CYFIP1: variants seen among roughly 807,000 people sequenced by gnomAD.
CYFIP1 encodes cytoplasmic FMR1 interacting protein 1, also known as cytoplasmic FMR1-interacting protein 1.
CYFIP1 carries 58 observed loss-of-function variants against 163.5 expected under a neutral mutation model. The ratio of observed to expected loss-of-function variants is 0.35; its 90% confidence interval spans 0.29 to 0.44. CYFIP1 has a LOEUF of 0.44. CYFIP1 is among the 20% of genes least tolerant of loss of function. The probability of loss-of-function intolerance (pLI) is 1.00; values close to 1 mark genes in which losing one functional copy is unlikely to be tolerated. For synonymous variants in CYFIP1, 663 were observed against 660.7 expected (o/e 1.00, Z -0.05); for missense variants, 1,338 against 1,653.8 (o/e 0.81, Z 3.31).
intron 8 of CYFIP1, 46 bp downstream of exon 8, chr15:22,939,146 G>A (rs1057295548): frequency 6.2e-7 from 1 of 1,611,346 alleles, no homozygotes; most frequent in Non-Finnish European, 8.5e-7. Context: ...ACAAGAGTAA[G>A]GCTGTCCCTC....
At chr15:22,879,800 C>CGGCAAG in intron 26 of CYFIP1, 113 bp downstream of exon 26, 1 of 721,772 alleles carries the variant, frequency 1.4e-6, no homozygotes, top group Non-Finnish European at 2.2e-6. Context: ...AAATGATGCA[C>CGGCAAG]AGCTGTTGCC....
In CYFIP1 at chr15:22,932,295, G is replaced by A. The variant is rs975666270; in HGVS notation, c.1038C>T (p.Cys346=). 3.1e-6 allele frequency: 5 copies of A among 1,612,726 alleles called. No homozygotes were observed. Among genetic ancestry groups the A allele is most frequent in the East Asian group, 2.2e-5 (1 of 44,780 alleles). The change falls in exon 11 of 31, where the codon TGC becomes TGT. Residue 346 remains cysteine, a synonymous_variant. Transcript: ENST00000617928. ...SSGSSPQYNI[C]EQMIQIREDH... is the part of the protein sequence containing the mutation. ...CCTCGCGGATCTGGATCATCTGCTC[G>A]CAGATGTTGTACTGAGGGCTGCTGC...
At chr15:22,918,905 C>G in intron 13 of CYFIP1, 47 bp from the exon 14 acceptor site, 1 of 1,458,666 alleles carries the variant, frequency 6.9e-7, no homozygotes, top group Non-Finnish European at 9.4e-7. Flanking sequence ...GGGATGGCAC[C>G]AAGCCTCCTC....
At chr15:22,934,204 T>TTTTTG (rs2061634252) in intron 9 of CYFIP1, among the ~76,000 whole-genome samples, 1 of 140,374 alleles carries the variant, frequency 7.1e-6, no homozygotes, top group African/African-American at 2.7e-5. Context: ...TTTTTTTTTT[T>TTTTTG]GAGACAGAGT....
intron 3 of CYFIP1, among the ~76,000 whole-genome samples, chr15:22,946,113 G>C (rs1237361427): frequency 2.6e-5 from 4 of 151,798 alleles, no homozygotes; most frequent in East Asian, 1.9e-4. Context: ...GACCAACCTG[G>C]GCAACATGGT....
chr15:22,915,945 C>T (rs943315740), intron 16 of CYFIP1, among the ~76,000 whole-genome samples: 9 of 152,134 alleles, frequency 5.9e-5, no homozygotes, highest in East Asian at 1.9e-4. Context: ...TCCAATACCT[C>T]GCAGCACCCC....
intron 22 of CYFIP1, among the ~76,000 whole-genome samples, chr15:22,900,468 G>A (rs2060361449): frequency 1.3e-5 from 2 of 149,646 alleles, no homozygotes; most frequent in African/African-American, 2.5e-5. Flanking sequence ...GTGCAATCTC[G>A]GCTCACTGCA....
chr15:22,873,574 G>C lies in CYFIP1; in HGVS notation c.3366C>G (p.Asp1122Glu). ...ACAGTCTGTGAAACTCCACACACTC[G>C]TCCACATGCATGACCCCATTGCTGG... ...PLPSNGVMHV[D>E]ECVEFHRLWS... Residue 1122 changes from aspartate (D) to glutamate (E), a missense_variant, in exon 29 of 31, where the codon GAC becomes GAG. Asp to Glu is a conservative substitution (Grantham distance 45). Transcript: ENST00000617928. 6.2e-7 allele frequency: 1 copy of C among 1,614,220 alleles called. No individual in the cohort carries two copies. The highest frequency in any genetic ancestry group is 8.5e-7 in the Non-Finnish European group (1 of 1,180,038).
chr15:22,924,744 G>A (rs534135401), intron 13 of CYFIP1, among the ~76,000 whole-genome samples: 4 of 152,212 alleles, frequency 2.6e-5, no homozygotes, highest in Admixed American at 2.6e-4. Flanking sequence ...AAAATAAGAT[G>A]AGAATTTACT....
intron 12 of CYFIP1, 90 bp downstream of exon 12, chr15:22,927,816 A>G: frequency 7.4e-6 from 10 of 1,354,826 alleles, no homozygotes; most frequent in Non-Finnish European, 9.9e-6. Context: ...TTCTAGGGCC[A>G]AAGATAAAAA....
rs775232270 is a variant in CYFIP1, at chr15:22,918,871, C to T, written c.1360-13G>A. 6.3e-7 allele frequency: 1 copy of T among 1,579,836 alleles called. No homozygotes were observed. Among genetic ancestry groups the T allele is most frequent in the South Asian group, 1.2e-5 (1 of 85,810 alleles). The stretch of plus-strand genomic sequence containing the variant: ...TCATGGCGATCACCTGCGGGGGACA[C>T]AGCAACAGGGACGGCCCTTCTTAGG... On this transcript the variant is annotated splice_polypyrimidine_tract_variant and intron_variant, in intron 13 of 30. Coordinates refer to ENST00000617928, the MANE Select transcript of CYFIP1 (RefSeq NM_014608.6).
rs544770792 is a variant in CYFIP1 at position 22,941,399 on chromosome 15, C to T, written c.569+1774G>A. 3.5e-4 allele frequency among the ~76,000 whole-genome samples: 53 copies of T among 152,142 alleles called. 2 individuals carry two copies. In the South Asian group the frequency reaches 9.2e-3, roughly 26 times the overall value. ...TTGATTTGAGTAGCTGCTGAGGTGG[C>T]GGGTGGGGAGACTAAGGAAAGGGTC... On this transcript the variant is annotated intron_variant, in intron 6 of 30. Coordinates refer to ENST00000617928, the MANE Select transcript of CYFIP1 (RefSeq NM_014608.6).
intron 23 of CYFIP1, among the ~76,000 whole-genome samples, chr15:22,892,687 G>A (rs1191048656): frequency 6.6e-6 from 1 of 152,168 alleles, no homozygotes; most frequent in Non-Finnish European, 1.5e-5. Flanking sequence ...TTCTAGATAA[G>A]CACTGTTTTG....
Position 22,867,290 on chromosome 15 carries a change from A to AAAG in CYFIP1, c.*2735_*2737dup, listed in dbSNP as rs1428653472. 1.0e-5 allele frequency: 4 copies of AAAG among 398,564 alleles called. No homozygotes were observed. Among genetic ancestry groups the AAAG allele is most frequent in the East Asian group, 7.1e-5 (2 of 28,026 alleles). 24.7% of individuals were successfully genotyped at this position (398,564 alleles called of 1,614,324 possible). ...TATCCTGTGATTTACCTTACCTACAAAAGTGGCTCCTGTTTGTTTGATGAT... is the reference window on the plus strand; with the variant it reads ...TATCCTGTGATTTACCTTACCTACAAAAGAAGTGGCTCCTGTTTGTTTGATGAT... On this transcript the variant is annotated 3_prime_UTR_variant, in exon 31 of 31. Transcript: ENST00000617928.
At chr15:22,881,739 T>C (rs1261529375) in intron 25 of CYFIP1, 107 bp downstream of exon 25, 17 of 1,043,068 alleles carry the variant, frequency 1.6e-5, no homozygotes, top group Non-Finnish European at 2.3e-5. Context: ...GTCTGTCTAC[T>C]GCCTCTTCCC....
intron 23 of CYFIP1, 36 bp downstream of exon 23, chr15:22,892,854 G>A: frequency 6.7e-7 from 1 of 1,493,248 alleles, no homozygotes; most frequent in Non-Finnish European, 9.3e-7. Flanking sequence ...TTCATTATGA[G>A]CTTCAAGCTC....
intron 1 of CYFIP1, among the ~76,000 whole-genome samples, chr15:22,951,033 T>TA (rs1281112959): frequency 7.2e-5 from 11 of 152,190 alleles, no homozygotes; most frequent in Non-Finnish European, 1.0e-4. Flanking sequence ...CGGAAAAACA[T>TA]AGACTACGCA....
In CYFIP1 at chr15:22,939,202, A is replaced by C. The variant is rs1031643525; in HGVS notation, c.785T>G (p.Met262Arg). 5.6e-6 allele frequency: 9 copies of C among 1,614,178 alleles called. No individual in the cohort carries two copies. The highest frequency in any genetic ancestry group is 7.6e-6 in the Non-Finnish European group (9 of 1,180,036). Residue 262 changes from methionine to arginine, a missense_variant, in exon 8 of 31, where the codon ATG becomes AGG. Physicochemically the swap from Met to Arg is moderately conservative, Grantham distance 91 (BLOSUM62 -1). Coordinates refer to ENST00000617928, the MANE Select transcript of CYFIP1 (RefSeq NM_014608.6). ...RMYLTPSEKHMLLKVMGFGLY... is the reference protein window; with the variant it reads ...RMYLTPSEKHRLLKVMGFGLY... Reference sequence around the variant, plus strand: ...TCCCCACACACGTACTTTGAGAAGCATGTGTTTCTCACTGGGCGTCAAATA... The same window carrying C: ...TCCCCACACACGTACTTTGAGAAGCCTGTGTTTCTCACTGGGCGTCAAATA...
At chr15:22,927,398 G>A (rs143857824) in intron 12 of CYFIP1, among the ~76,000 whole-genome samples, 3,051 of 149,038 alleles carry the variant, frequency 0.02, 106 homozygotes, top group African/African-American at 0.072. Flanking sequence ...CAGGAGAATC[G>A]CTTGAACCCA....
Sources: allele counts gnomAD v4.1 joint callset (sites outside exome capture counted in the v4.1 genomes callset), GRCh38; gene constraint gnomAD v4.1.1; transcripts MANE v1.5; gene names NCBI Gene and HGNC (gene_info 2026-07-23, HGNC 2026-07-21).